Variants in FASTKD1 observed in about 807,000 individuals in gnomAD.
The protein encoded by FASTKD1 is FAST kinase domain-containing protein 1, mitochondrial.
A neutral mutation model predicts 90.9 loss-of-function variants in FASTKD1; 94 were observed. The ratio of observed to expected loss-of-function variants is 1.03; its 90% CI spans 0.88 to 1.23. The LOEUF (loss-of-function observed/expected upper bound fraction) is 1.23, where lower values mean the gene tolerates loss of function less well. Ranked by LOEUF, FASTKD1 falls within the 50% of genes most tolerant of loss-of-function variation. The probability of loss-of-function intolerance (pLI) is 0.00; values close to 1 mark genes in which losing one functional copy is unlikely to be tolerated. For missense variants in FASTKD1, 945 were observed against 993.5 expected (o/e 0.95, Z 0.66); for synonymous variants, 319 against 345.8 (o/e 0.92, Z 0.86).
At chr2:169,548,194 G>A (rs149444933) in intron 7 of FASTKD1, among the ~76,000 whole-genome samples, 4 of 152,062 alleles carry the variant, frequency 2.6e-5, no homozygotes, top group South Asian at 2.1e-4. Flanking sequence ...CAGTGCTGTC[G>A]CTGAAGAAAG....
intron 3 of FASTKD1, among the ~76,000 whole-genome samples, chr2:169,564,176 CA>C (rs1335581630): frequency 6.6e-6 from 1 of 151,620 alleles, no homozygotes; most frequent in Non-Finnish European, 1.5e-5. Flanking sequence ...TAAAAAGAAA[CA>C]AAAAAATTTA....
chr2:169,544,656 TA>T, intron 9 of FASTKD1, 64 bp downstream of exon 9: 1 of 879,058 alleles, frequency 1.1e-6, no homozygotes, highest in Non-Finnish European at 1.9e-6. Context: ...GGACATCTCC[TA>T]GCTCAGCAGC....
intron 8 of FASTKD1, 130 bp from the exon 9 acceptor site, chr2:169,544,965 C>G: frequency 7.3e-6 from 4 of 547,762 alleles, no homozygotes; most frequent in Non-Finnish European, 1.3e-5. Flanking sequence ...TATCACCCTG[C>G]TTATTAATTT....
chr2:169,557,787 G>A (rs1324672578), intron 5 of FASTKD1, among the ~76,000 whole-genome samples: 1 of 152,178 alleles, frequency 6.6e-6, no homozygotes, highest in African/African-American at 2.4e-5. Flanking sequence ...AACAAAGCTG[G>A]TCCATTTTGA....
At chr2:169,548,420 T>TAAA (rs35933613) in intron 7 of FASTKD1, among the ~76,000 whole-genome samples, 59 of 142,892 alleles carry the variant, frequency 4.1e-4, no homozygotes, top group East Asian at 1.2e-3. Flanking sequence ...CAATAATTGT[T>TAAA]AAAAAAAAAA....
chr2:169,536,879 G>T, intron 12 of FASTKD1: 1 of 181,594 alleles, frequency 5.5e-6, no homozygotes, highest in Non-Finnish European at 1.1e-5. Flanking sequence ...AAATTAAAGA[G>T]TCATTTCCCT....
chr2:169,548,731 CAAAAAAAAA>C (rs58560988), intron 7 of FASTKD1, among the ~76,000 whole-genome samples: 1 of 35,658 alleles, frequency 2.8e-5, no homozygotes, highest in African/African-American at 1.0e-4. Flanking sequence ...GACTCCGCCT[CAAAAAAAAA>C]AAAAAAAAAA....
rs148856843 is a variant in FASTKD1, at chr2:169,546,410, T to A, written c.1509A>T (p.Glu503Asp). The change falls in exon 8 of 15, where the codon GAA becomes GAT. Residue 503 changes from glutamate to aspartate, a missense_variant. Transcript: ENST00000453153. ...ACGTGTTTCCTTTGAGAGATTTAAG[T>A]TCCTTCCGTAACAGATCCAAACTGT... ...HSNSLDLLRKELKSLKGNTFP... is the reference protein window; with the variant it reads ...HSNSLDLLRKDLKSLKGNTFP... 3 of 1,614,178 alleles carry A rather than the reference T, an allele frequency of 1.9e-6. No individual in the cohort carries two copies. Among genetic ancestry groups the A allele is most frequent in the African/African-American group, 1.3e-5 (1 of 75,054 alleles).
chr2:169,568,393 A>T (rs140659594), intron 3 of FASTKD1, among the ~76,000 whole-genome samples: 13 of 152,260 alleles, frequency 8.5e-5, no homozygotes, highest in Non-Finnish European at 1.3e-4. Context: ...GTTCATGAAT[A>T]GCTGTGACTC....
At chr2:169,570,833 G>A (rs1014231214) in intron 2 of FASTKD1, among the ~76,000 whole-genome samples, 3 of 151,896 alleles carry the variant, frequency 2.0e-5, no homozygotes, top group South Asian at 2.1e-4. Context: ...CTGCCATCAC[G>A]CCCAGCTAAT....
At chr2:169,549,513 T>C (rs1685393578) in intron 7 of FASTKD1, among the ~76,000 whole-genome samples, 1 of 152,234 alleles carries the variant, frequency 6.6e-6, no homozygotes, top group Non-Finnish European at 1.5e-5. Flanking sequence ...TTGCCCAGGC[T>C]AGAGGGCAGT....
At chr2:169,544,949 T>C (rs530602208) in intron 8 of FASTKD1, 114 bp from the exon 9 acceptor site, 1 of 593,398 alleles carries the variant, frequency 1.7e-6, no homozygotes, top group South Asian at 2.3e-5. Flanking sequence ...AGTTAAATAA[T>C]AAATGTATCA....
At chr2:169,539,718 T>C (rs1684885493) in intron 10 of FASTKD1, among the ~76,000 whole-genome samples, 1 of 151,856 alleles carries the variant, frequency 6.6e-6, no homozygotes, top group South Asian at 2.1e-4. Context: ...GAGCTATGAC[T>C]GCACCACTGC....
At chr2:169,546,095 C>A in intron 8 of FASTKD1, 123 bp downstream of exon 8, 1 of 1,087,722 alleles carries the variant, frequency 9.2e-7, no homozygotes, top group Non-Finnish European at 1.3e-6. Flanking sequence ...CACATCTGAC[C>A]CAGAATTTAT....
chr2:169,547,884 CAA>C (rs1158292826), intron 7 of FASTKD1, among the ~76,000 whole-genome samples: 59 of 21,304 alleles, frequency 2.8e-3, no homozygotes, highest in East Asian at 5.5e-3. Context: ...GACTCCATCT[CAA>C]AAAAAAAAAA....
intron 1 of FASTKD1, among the ~76,000 whole-genome samples, chr2:169,572,640 A>G (rs986573314): frequency 4.0e-5 from 6 of 151,666 alleles, no homozygotes; most frequent in Admixed American, 2.6e-4. Context: ...GCCCTTAAAG[A>G]GCTCAAATAA....
At chr2:169,531,147 T>C (rs1244037874) in intron 13 of FASTKD1, 1 of 761,842 alleles carries the variant, frequency 1.3e-6, no homozygotes, top group Non-Finnish European at 2.4e-6. Context: ...TTTAGCACTT[T>C]AGTTAGGGAG....
intron 9 of FASTKD1, among the ~76,000 whole-genome samples, chr2:169,544,427 C>T (rs1215070885): frequency 6.6e-6 from 1 of 151,824 alleles, no homozygotes; most frequent in African/African-American, 2.4e-5. Context: ...AAAAATTAGC[C>T]GGGTGTGGTG....
chr2:169,555,450 C>A (rs1211392367), intron 6 of FASTKD1, among the ~76,000 whole-genome samples, 195 bp from the exon 7 acceptor site: 1 of 152,162 alleles, frequency 6.6e-6, no homozygotes, highest in Non-Finnish European at 1.5e-5. Flanking sequence ...TAAAAGCAAT[C>A]AATTAAGTGT....
Sources: allele counts gnomAD v4.1 joint callset (sites outside exome capture counted in the v4.1 genomes callset), GRCh38; gene constraint gnomAD v4.1.1; transcripts MANE v1.5; gene names NCBI Gene and HGNC (gene_info 2026-07-23, HGNC 2026-07-21).